Variants in NDE1 observed in about 807,000 individuals in gnomAD.
The protein encoded by NDE1 is nuclear distribution protein nudE homolog 1.
A neutral mutation model predicts 43.4 loss-of-function variants in NDE1; 28 were observed. The observed-to-expected ratio is 0.65, with a 90% CI of 0.48 to 0.89. NDE1 has a LOEUF of 0.89. NDE1 is among the 40% of genes least tolerant of loss of function. The probability of loss-of-function intolerance (pLI) is 0.00; values close to 1 mark genes in which losing one functional copy is unlikely to be tolerated. For synonymous variants in NDE1, 184 were observed against 172.0 expected (o/e 1.07, Z -0.55); for missense variants, 441 against 434.1 (o/e 1.02, Z -0.14).
intron 4 of NDE1, chr16:15,686,325 T>G: frequency 5.2e-6 from 5 of 953,382 alleles, no homozygotes; most frequent in Non-Finnish European, 6.2e-6. Flanking sequence ...TTGTTTTGCA[T>G]GAGAGAAAAC....
intron 1 of NDE1, among the ~76,000 whole-genome samples, chr16:15,650,820 GC>G: frequency 6.6e-6 from 1 of 151,954 alleles, no homozygotes; most frequent in Non-Finnish European, 1.5e-5. Flanking sequence ...TTGCAGCGTT[GC>G]CCCTGCCCTC....
chr16:15,718,736 C>T, intron 8 of NDE1: 2 of 507,114 alleles, frequency 3.9e-6, no homozygotes, highest in Non-Finnish European at 7.1e-6. Flanking sequence ...ATGAAAGCAG[C>T]CACACCCCCA....
At chr16:15,659,806 T>C (rs1192903725) in intron 1 of NDE1, among the ~76,000 whole-genome samples, 4 of 149,032 alleles carry the variant, frequency 2.7e-5, no homozygotes, top group Non-Finnish European at 4.4e-5. Flanking sequence ...TGGAGTGCAG[T>C]GGCACGATCT....
chr16:15,720,461 TCA>T, intron 8 of NDE1: 1 of 1,179,818 alleles, frequency 8.5e-7, no homozygotes, highest in Non-Finnish European at 1.2e-6. Flanking sequence ...GAAAACGGAA[TCA>T]CGCCGGGCGT....
Position 15,664,558 on chromosome 16 carries a change from T to C in NDE1, c.-43-178T>C, listed in dbSNP as rs548776647. Reference sequence around the variant, plus strand: ...TTTTAGTAGAGACGGGGTTTCACCATGTTAGCTAGGGTGGTCTCGATCTCC... The same window carrying C: ...TTTTAGTAGAGACGGGGTTTCACCACGTTAGCTAGGGTGGTCTCGATCTCC... On this transcript the variant is annotated intron_variant, in intron 1 of 8. Transcript: ENST00000396354. Among the ~76,000 whole-genome samples the C allele has an allele frequency of 4.6e-5, 7 of 152,114 alleles. No individual in the cohort carries two copies. The South Asian group carries it at 6.2e-4, about 14-fold the overall frequency.
intron 3 of NDE1, among the ~76,000 whole-genome samples, chr16:15,671,242 A>G (rs2037577369): frequency 6.6e-6 from 1 of 152,070 alleles, no homozygotes; most frequent in Non-Finnish European, 1.5e-5. Context: ...GGTGGTTCAT[A>G]CTTGTAATCC....
At chr16:15,719,560 C>A in intron 8 of NDE1, 2 of 1,613,554 alleles carry the variant, frequency 1.2e-6, no homozygotes, top group South Asian at 2.2e-5. Flanking sequence ...GCATCTGAGG[C>A]TCTCCTAGCA....
Position 15,669,992 on chromosome 16 carries a change from G to A in NDE1, c.237+2553G>A, listed in dbSNP as rs376131115. Among the ~76,000 whole-genome samples, 8 of 152,244 alleles carry A rather than the reference G, an allele frequency of 5.3e-5. No homozygotes were observed. The East Asian group carries it at 1.2e-3, about 22-fold the overall frequency. ...AGCAAGGGATCACTAAGTCAACACCGTGCCCCAGAGACTGGCTCTCAGCCT... is the reference window on the plus strand; with the variant it reads ...AGCAAGGGATCACTAAGTCAACACCATGCCCCAGAGACTGGCTCTCAGCCT... On this transcript the variant is annotated intron_variant, in intron 3 of 8. Coordinates refer to ENST00000396354, the MANE Select transcript of NDE1 (RefSeq NM_017668.3).
chr16:15,716,676 C>T (rs1171156500), intron 8 of NDE1, among the ~76,000 whole-genome samples: 1 of 152,156 alleles, frequency 6.6e-6, no homozygotes, highest in Non-Finnish European at 1.5e-5. Context: ...CATGTGCCAC[C>T]ACACTCGGCT....
At chr16:15,687,676 C>T (rs1024941021) in intron 5 of NDE1, among the ~76,000 whole-genome samples, 165 bp downstream of exon 5, 1 of 152,332 alleles carries the variant, frequency 6.6e-6, no homozygotes, top group Admixed American at 6.5e-5. Context: ...CAGACTCTTG[C>T]CTTGGGCCCT....
At chr16:15,688,633 CAAAAA>C (rs35767829) in intron 5 of NDE1, among the ~76,000 whole-genome samples, 2 of 37,450 alleles carry the variant, frequency 5.3e-5, no homozygotes, top group African/African-American at 8.9e-5. Flanking sequence ...ACTCTTGTCT[CAAAAA>C]AAAAAAAAAA....
chr16:15,678,197 T>C (rs2037986436), intron 4 of NDE1, among the ~76,000 whole-genome samples: 1 of 152,140 alleles, frequency 6.6e-6, no homozygotes, highest in Non-Finnish European at 1.5e-5. Context: ...TTAATTTGGC[T>C]GTTGGCCTGG....
intron 1 of NDE1, among the ~76,000 whole-genome samples, chr16:15,658,706 G>A (rs2036892743): frequency 6.6e-6 from 1 of 152,170 alleles, no homozygotes; most frequent in Admixed American, 6.5e-5. Flanking sequence ...GCCCAGGCTG[G>A]AGTGCAGTGG....
chr16:15,678,890 CATG>C (rs1292528754), intron 4 of NDE1, among the ~76,000 whole-genome samples: 1 of 152,000 alleles, frequency 6.6e-6, no homozygotes, highest in East Asian at 1.9e-4. Flanking sequence ...TCCTGGCTAA[CATG>C]GTGAAAACCC....
At chr16:15,655,694 G>A (rs972628803) in intron 1 of NDE1, among the ~76,000 whole-genome samples, 3 of 151,992 alleles carry the variant, frequency 2.0e-5, no homozygotes, top group Non-Finnish European at 4.4e-5. Flanking sequence ...GTTTATTGCG[G>A]CATTATTCAC....
intron 3 of NDE1, among the ~76,000 whole-genome samples, chr16:15,675,690 T>C (rs1397238347): frequency 1.3e-5 from 2 of 151,976 alleles, no homozygotes; most frequent in Non-Finnish European, 2.9e-5. Context: ...CACCTGAAAG[T>C]GCTGGGATTA....
chr16:15,710,914 G>T (rs1205329755), intron 8 of NDE1, among the ~76,000 whole-genome samples: 1 of 152,110 alleles, frequency 6.6e-6, no homozygotes, highest in Non-Finnish European at 1.5e-5. Context: ...CTGACCTCAG[G>T]TGATCAGCCC....
intron 4 of NDE1, among the ~76,000 whole-genome samples, chr16:15,684,893 A>G (rs2038359288): frequency 6.6e-6 from 1 of 152,176 alleles, no homozygotes; most frequent in Non-Finnish European, 1.5e-5. Flanking sequence ...TTGAGGCTTT[A>G]TAGTAGTGCG....
intron 3 of NDE1, among the ~76,000 whole-genome samples, chr16:15,674,497 C>T (rs1881867344): frequency 6.6e-6 from 1 of 152,098 alleles, no homozygotes; most frequent in South Asian, 2.1e-4. Flanking sequence ...GATCCACCTG[C>T]CTCAGCCTCC....
Sources: allele counts gnomAD v4.1 joint callset (sites outside exome capture counted in the v4.1 genomes callset), GRCh38; gene constraint gnomAD v4.1.1; transcripts MANE v1.5; gene names NCBI Gene and HGNC (gene_info 2026-07-23, HGNC 2026-07-21).